Variants in SLC35D4 observed in about 807,000 individuals in gnomAD.
SLC35D4 encodes the protein solute carrier family 35 member D4, also known as UDP-N-acetylglucosamine transporter SLC35D4.
the SLC35D4 span, among the ~76,000 whole-genome samples, chr18:23,437,333 G>A: frequency 6.6e-6 from 1 of 152,210 alleles, no homozygotes; most frequent in Non-Finnish European, 1.5e-5. Flanking sequence ...GGAATCAGCA[G>A]TGTGAGGGGG....
chr18:23,326,763 C>A, the SLC35D4 span, among the ~76,000 whole-genome samples: 1 of 152,226 alleles, frequency 6.6e-6, no homozygotes, highest in Non-Finnish European at 1.5e-5. Flanking sequence ...TTCTCAGCAC[C>A]ACATTGCACG....
At chr18:23,408,167 AC>A in the SLC35D4 span, among the ~76,000 whole-genome samples, 1 of 151,912 alleles carries the variant, frequency 6.6e-6, no homozygotes, top group Non-Finnish European at 1.5e-5. Context: ...ACACACACAC[AC>A]ACACACACAC....
At chr18:23,349,889 G>A in the SLC35D4 span, among the ~76,000 whole-genome samples, 6 of 151,980 alleles carry the variant, frequency 3.9e-5, no homozygotes, top group African/African-American at 7.3e-5. Flanking sequence ...TGTATTCACC[G>A]AGTCTTTGCT....
chr18:23,356,651 C>A, the SLC35D4 span: 1 of 1,614,112 alleles, frequency 6.2e-7, no homozygotes, highest in Non-Finnish European at 8.5e-7. This position sits in a 1 kb window ranked among gnomAD's most constrained non-coding sequence, Gnocchi z 4.1. Context: ...GTCCAGGACG[C>A]TGAAGAGATC....
chr18:23,399,515 C>CAAAGGGG, the SLC35D4 span: 2 of 1,555,426 alleles, frequency 1.3e-6, no homozygotes, highest in East Asian at 2.2e-5. Flanking sequence ...AGTTAAAAGG[C>CAAAGGGG]AAAGGGGAAA....
chr18:23,307,463 T>C, the SLC35D4 span, among the ~76,000 whole-genome samples: 1 of 152,216 alleles, frequency 6.6e-6, no homozygotes, highest in East Asian at 1.9e-4. Context: ...AACTCTCCAA[T>C]GGGCAGGACT....
chr18:23,343,654 T>C, the SLC35D4 span, among the ~76,000 whole-genome samples: 1 of 152,174 alleles, frequency 6.6e-6, no homozygotes, highest in Non-Finnish European at 1.5e-5. Flanking sequence ...ACAGATTATT[T>C]CATTACCCAG....
chr18:23,382,226 T>C, the SLC35D4 span, among the ~76,000 whole-genome samples: 3 of 125,954 alleles, frequency 2.4e-5, no homozygotes, highest in Non-Finnish European at 4.7e-5. Context: ...GGTGACAGTG[T>C]GAGACTCAGT....
At chr18:23,241,661 T>C in the SLC35D4 span, among the ~76,000 whole-genome samples, 1 of 152,244 alleles carries the variant, frequency 6.6e-6, no homozygotes, top group African/African-American at 2.4e-5. Flanking sequence ...GGAAATACTT[T>C]TTAATTTCTC....
chr18:23,437,927 A>C, the SLC35D4 span: 2 of 1,504,434 alleles, frequency 1.3e-6, no homozygotes, highest in Non-Finnish European at 1.8e-6. Context: ...CCCCCGCAGC[A>C]GCAGCAGCGG....
the SLC35D4 span, among the ~76,000 whole-genome samples, chr18:23,248,540 A>ATTT: frequency 1.0e-4 from 6 of 58,732 alleles, no homozygotes; most frequent in African/African-American, 4.2e-4. Context: ...TTTTTTTTTA[A>ATTT]AAAAAGGCTG....
At chr18:23,327,524 C>T in the SLC35D4 span, among the ~76,000 whole-genome samples, 1 of 152,144 alleles carries the variant, frequency 6.6e-6, no homozygotes, top group East Asian at 1.9e-4. Flanking sequence ...TCTGAATAGA[C>T]CAATAACAGG....
the SLC35D4 span, among the ~76,000 whole-genome samples, chr18:23,363,651 G>A: frequency 6.6e-6 from 1 of 152,112 alleles, no homozygotes; most frequent in East Asian, 1.9e-4. Flanking sequence ...TGGGATTACA[G>A]GCGTGAGTCA....
the SLC35D4 span, among the ~76,000 whole-genome samples, chr18:23,319,731 G>A: frequency 2.6e-5 from 4 of 152,228 alleles, no homozygotes; most frequent in East Asian, 1.9e-4. Context: ...GAGCCACCGC[G>A]CCCTGCCTAT....
chr18:23,281,062 A>C, the SLC35D4 span, among the ~76,000 whole-genome samples: 2 of 152,210 alleles, frequency 1.3e-5, no homozygotes, highest in African/African-American at 4.8e-5. Flanking sequence ...TGCATATGAA[A>C]TCTCCAGAAC....
the SLC35D4 span, among the ~76,000 whole-genome samples, chr18:23,410,609 A>G: frequency 6.6e-6 from 1 of 152,176 alleles, no homozygotes; most frequent in South Asian, 2.1e-4. Context: ...GTTCAAGACG[A>G]GCCTAGACAA....
At chr18:23,401,064 T>C in the SLC35D4 span, among the ~76,000 whole-genome samples, 4 of 152,384 alleles carry the variant, frequency 2.6e-5, no homozygotes, top group South Asian at 6.2e-4. Flanking sequence ...AAATGTGTTA[T>C]ATGCTGCATT....
At chr18:23,321,172 A>G in the SLC35D4 span, among the ~76,000 whole-genome samples, 1 of 152,206 alleles carries the variant, frequency 6.6e-6, no homozygotes, top group Non-Finnish European at 1.5e-5. Flanking sequence ...CAGCTTGGTT[A>G]CTCAGTATAG....
At chr18:23,298,806 G>A in the SLC35D4 span, among the ~76,000 whole-genome samples, 2 of 152,134 alleles carry the variant, frequency 1.3e-5, no homozygotes, top group African/African-American at 2.4e-5. Flanking sequence ...TGATGGGGAG[G>A]GCCCCTTTTT....
Sources: allele counts gnomAD v4.1 joint callset (sites outside exome capture counted in the v4.1 genomes callset), GRCh38; gene constraint gnomAD v4.1.1; non-coding constraint Gnocchi (gnomAD v3.1); transcripts MANE v1.5; gene names NCBI Gene and HGNC (gene_info 2026-07-23, HGNC 2026-07-21).